Variants in PLCB1 observed in about 807,000 individuals in gnomAD.
The protein encoded by PLCB1 is 1-phosphatidylinositol 4,5-bisphosphate phosphodiesterase beta-1.
Under a neutral mutation model 161.8 loss-of-function variants are expected in PLCB1, and 46 were observed. The ratio of observed to expected loss-of-function variants is 0.28; its 90% confidence interval spans 0.22 to 0.36. The LOEUF is 0.36. PLCB1 is among the 10% of genes least tolerant of loss of function. The probability of loss-of-function intolerance (pLI) is 1.00; values close to 1 mark genes in which losing one functional copy is unlikely to be tolerated. For synonymous variants in PLCB1, 517 were observed against 503.7 expected (o/e 1.03, Z -0.35); for missense variants, 1,016 against 1,472.5 (o/e 0.69, Z 5.07).
At chr20:8,722,203 G>T (rs528656741) in intron 14 of PLCB1, 151 bp from the exon 15 acceptor site, 1 of 532,150 alleles carries the variant, frequency 1.9e-6, no homozygotes, top group Non-Finnish European at 3.2e-6. Context: ...TTTCTATAAC[G>T]AATAAAATTT....
chr20:8,601,968 C>A (rs540413436), intron 3 of PLCB1, among the ~76,000 whole-genome samples: 2 of 152,160 alleles, frequency 1.3e-5, no homozygotes, highest in African/African-American at 4.8e-5. Context: ...AGCACCAACA[C>A]CTTCACCATC....
At chr20:8,455,988 C>A (rs1322595602) in intron 3 of PLCB1, among the ~76,000 whole-genome samples, 3 of 152,154 alleles carry the variant, frequency 2.0e-5, no homozygotes, top group Non-Finnish European at 4.4e-5. Context: ...CAAAACCATG[C>A]AGTAAATTAT....
At chr20:8,309,586 A>G (rs1984298423) in intron 2 of PLCB1, among the ~76,000 whole-genome samples, 1 of 152,290 alleles carries the variant, frequency 6.6e-6, no homozygotes, top group Middle Eastern at 3.4e-3. Context: ...TCCCATGATG[A>G]CCTAGTCCAT....
chr20:8,710,159 A>G (rs569600664), intron 12 of PLCB1, among the ~76,000 whole-genome samples: 1 of 140,810 alleles, frequency 7.1e-6, no homozygotes, highest in Non-Finnish European at 1.5e-5. Context: ...GCATGGTGGC[A>G]TCTGCTCCTG....
chr20:8,793,080 A>G (rs951582219), intron 31 of PLCB1, among the ~76,000 whole-genome samples: 1 of 152,232 alleles, frequency 6.6e-6, no homozygotes, highest in Non-Finnish European at 1.5e-5. Context: ...TGACATAGAC[A>G]TGAGGGAAAT....
intron 31 of PLCB1, 78 bp downstream of exon 31, chr20:8,790,339 A>T: frequency 1.9e-6 from 2 of 1,054,424 alleles, no homozygotes; most frequent in Non-Finnish European, 2.9e-6. Flanking sequence ...CCTGGTTTAC[A>T]TAAGTACCTT....
chr20:8,593,311 T>G (rs1409614535), intron 3 of PLCB1, among the ~76,000 whole-genome samples: 1 of 152,102 alleles, frequency 6.6e-6, no homozygotes, highest in Non-Finnish European at 1.5e-5. Flanking sequence ...TAGCCAGGAC[T>G]ACCTGCACAA....
At chr20:8,706,200 T>C (rs1465992575) in intron 11 of PLCB1, among the ~76,000 whole-genome samples, 1 of 152,168 alleles carries the variant, frequency 6.6e-6, no homozygotes, top group Non-Finnish European at 1.5e-5. Context: ...GAAAGAGAAA[T>C]GGCTGGACAA....
intron 2 of PLCB1, among the ~76,000 whole-genome samples, chr20:8,184,506 G>C (rs2051879589): frequency 6.6e-6 from 1 of 151,936 alleles, no homozygotes. Context: ...CTCAGCCTCT[G>C]AATTTGTTAG....
At chr20:8,595,911 G>A (rs10460635) in intron 3 of PLCB1, among the ~76,000 whole-genome samples, 4 of 121,202 alleles carry the variant, frequency 3.3e-5, no homozygotes, top group African/African-American at 8.9e-5. Context: ...TTTGAGAAGT[G>A]TCTGTTCATG....
intron 3 of PLCB1, among the ~76,000 whole-genome samples, chr20:8,448,588 G>C (rs908624187): frequency 1.3e-5 from 2 of 152,112 alleles, no homozygotes; most frequent in Admixed American, 6.6e-5. Flanking sequence ...CCAACACCAG[G>C]GTTCCTTTTG....
At chr20:8,714,620 A>G (rs2123462606) in intron 12 of PLCB1, among the ~76,000 whole-genome samples, 1 of 152,166 alleles carries the variant, frequency 6.6e-6, no homozygotes, top group Non-Finnish European at 1.5e-5. Flanking sequence ...TCTCCCTAAT[A>G]CTGCTGAGGA....
chr20:8,760,090 G>C (rs1222817015), intron 24 of PLCB1, among the ~76,000 whole-genome samples: 2 of 151,768 alleles, frequency 1.3e-5, no homozygotes, highest in Non-Finnish European at 2.9e-5. Context: ...ATTTTTAGTA[G>C]AGACAGGGTT....
intron 1 of PLCB1, among the ~76,000 whole-genome samples, chr20:8,138,733 A>G (rs1444478046): frequency 1.3e-5 from 2 of 152,226 alleles, no homozygotes; most frequent in Non-Finnish European, 2.9e-5. Context: ...GAAATAGGAT[A>G]TAAAGGAACT....
At chr20:8,514,043 GAAGAAA>G (rs1222543137) in intron 3 of PLCB1, among the ~76,000 whole-genome samples, 1 of 151,586 alleles carries the variant, frequency 6.6e-6, no homozygotes, top group African/African-American at 2.4e-5. Context: ...AAAAGAAGAA[GAAGAAA>G]AAGTATTTTA....
At chr20:8,549,129 T>C (rs1417905417) in intron 3 of PLCB1, among the ~76,000 whole-genome samples, 1 of 152,182 alleles carries the variant, frequency 6.6e-6, no homozygotes, top group Non-Finnish European at 1.5e-5. Context: ...CAAGCCTGCA[T>C]GTTCTGCACA....
At chr20:8,731,238 A>G (rs1443606140) in intron 18 of PLCB1, among the ~76,000 whole-genome samples, 1 of 151,972 alleles carries the variant, frequency 6.6e-6, no homozygotes, top group African/African-American at 2.4e-5. Flanking sequence ...AAACGTTTGC[A>G]GTACGTATGA....
At chr20:8,857,179 G>A (rs1397443951) in intron 31 of PLCB1, among the ~76,000 whole-genome samples, 1 of 152,168 alleles carries the variant, frequency 6.6e-6, no homozygotes, top group Non-Finnish European at 1.5e-5. Context: ...CAAGAGTAGA[G>A]GCACATGTGG....
At position 8,272,819 on chromosome 20, in the gene PLCB1, G is replaced by A. The variant is rs118071232; in HGVS notation, c.178-98563G>A. 8.2e-3 allele frequency among the ~76,000 whole-genome samples: 1,253 copies of A among 152,242 alleles called. 54 individuals are homozygous for A. Among genetic ancestry groups the A allele is most frequent in the Admixed American group, 0.07 (1,063 of 15,286 alleles). On this transcript the variant is annotated intron_variant, in intron 2 of 31. Transcript: ENST00000338037. ...TATTGAAGTCCCTGCTAAGTTAAAT[G>A]TAATTGCTGAAATGGCCAACATTTC...
Sources: gnomAD v4.1 joint callset for allele counts (sites outside exome capture counted in the v4.1 genomes callset) on GRCh38, gnomAD v4.1.1 for gene constraint, MANE v1.5 for transcripts, NCBI Gene and HGNC (gene_info 2026-07-23, HGNC 2026-07-21) for gene names.